The following NPAS3 variants were observed in gnomAD, a reference collection of about 807,000 sequenced individuals.
The protein encoded by NPAS3 is neuronal PAS domain protein 3.
NPAS3 carries 14 observed loss-of-function variants against 73.1 expected under a neutral mutation model. That is an observed-to-expected ratio of 0.19 (90% confidence interval 0.13 to 0.30). The LOEUF is 0.30. Ranked by LOEUF, NPAS3 falls within the 10% of genes least tolerant of loss-of-function variation. NPAS3 has a pLI of 1.00. For missense variants in NPAS3, 1,096 were observed against 1,250.0 expected, an observed-to-expected ratio of 0.88 and a Z score of 1.86; for synonymous variants, 620 against 541.5, an observed-to-expected ratio of 1.14 and a Z score of -2.01.
chr14:32,976,641 T>C (rs561863703), intron 1 of NPAS3, among the ~76,000 whole-genome samples: 1 of 152,338 alleles, frequency 6.6e-6, no homozygotes, highest in Admixed American at 6.5e-5. Flanking sequence ...TATTGTTCCT[T>C]AGTTGTTTTT....
At chr14:33,442,319 C>T (rs1292546654) in intron 4 of NPAS3, among the ~76,000 whole-genome samples, 4 of 152,048 alleles carry the variant, frequency 2.6e-5, no homozygotes, top group African/African-American at 9.7e-5. Context: ...TGCCTGCAGC[C>T]TCACCTACTC....
chr14:33,480,390 T>C (rs1039143782), intron 4 of NPAS3, among the ~76,000 whole-genome samples: 1 of 152,132 alleles, frequency 6.6e-6, no homozygotes, highest in East Asian at 1.9e-4. Flanking sequence ...CAATCTTCCA[T>C]AAGGCAAGTT....
intron 3 of NPAS3, among the ~76,000 whole-genome samples, chr14:33,257,883 A>G (rs2048835759): frequency 6.6e-6 from 1 of 152,210 alleles, no homozygotes; most frequent in Non-Finnish European, 1.5e-5. Context: ...CAGTAATCAT[A>G]AAGTAATCAT....
chr14:33,072,408 G>C (rs1329892967), intron 2 of NPAS3, among the ~76,000 whole-genome samples: 1 of 152,134 alleles, frequency 6.6e-6, no homozygotes, highest in Non-Finnish European at 1.5e-5. Flanking sequence ...TTGAAATTTA[G>C]ATCAACCTAT....
chr14:33,263,120 T>G (rs2049033941), intron 3 of NPAS3, among the ~76,000 whole-genome samples: 2 of 152,204 alleles, frequency 1.3e-5, no homozygotes, highest in South Asian at 4.1e-4. Flanking sequence ...GCTCTTTACT[T>G]TAATTAGATC....
intron 7 of NPAS3, among the ~76,000 whole-genome samples, chr14:33,744,105 T>C (rs1175822936): frequency 6.6e-6 from 1 of 152,244 alleles, no homozygotes; most frequent in African/African-American, 2.4e-5. Flanking sequence ...CAAGAACTTT[T>C]CCTTTGCATT....
intron 2 of NPAS3, among the ~76,000 whole-genome samples, chr14:33,179,301 T>A (rs1023451042): frequency 6.6e-6 from 1 of 152,212 alleles, no homozygotes; most frequent in African/African-American, 2.4e-5. Flanking sequence ...ACAAAACATT[T>A]GAGTCTGAAC....
intron 5 of NPAS3, among the ~76,000 whole-genome samples, chr14:33,646,399 G>A (rs750623685): frequency 5.9e-5 from 9 of 151,996 alleles, no homozygotes; most frequent in Non-Finnish European, 1.2e-4. Context: ...TAGAATGTGT[G>A]TATATTTGCC....
chr14:33,037,956 G>A (rs2040225241), intron 1 of NPAS3, among the ~76,000 whole-genome samples: 1 of 152,174 alleles, frequency 6.6e-6, no homozygotes, highest in African/African-American at 2.4e-5. Flanking sequence ...GAGGCATCGG[G>A]TCTATAGAAG....
At chr14:33,735,473 G>T in intron 7 of NPAS3, 141 bp downstream of exon 7, 1 of 667,268 alleles carries the variant, frequency 1.5e-6, no homozygotes, top group Non-Finnish European at 2.7e-6. Flanking sequence ...TCATCTTCCT[G>T]TCTCAAGGCA....
chr14:33,630,510 T>C (rs1384658954), intron 5 of NPAS3, among the ~76,000 whole-genome samples: 1 of 152,182 alleles, frequency 6.6e-6, no homozygotes, highest in Non-Finnish European at 1.5e-5. Context: ...GAAATACAAA[T>C]ACATATGTTT....
intron 5 of NPAS3, among the ~76,000 whole-genome samples, chr14:33,663,982 A>T (rs2059382487): frequency 6.6e-6 from 1 of 152,198 alleles, no homozygotes; most frequent in Non-Finnish European, 1.5e-5. Context: ...TTTTCAAAAA[A>T]AAAAACAGCT....
intron 7 of NPAS3, among the ~76,000 whole-genome samples, chr14:33,737,915 A>G (rs959758390): frequency 6.6e-6 from 1 of 152,164 alleles, no homozygotes; most frequent in Non-Finnish European, 1.5e-5. Flanking sequence ...TTTTCCCATA[A>G]AGATCCTAAG....
intron 5 of NPAS3, among the ~76,000 whole-genome samples, chr14:33,591,211 G>C (rs1373447555): frequency 6.6e-6 from 1 of 152,088 alleles, no homozygotes; most frequent in African/African-American, 2.4e-5. Flanking sequence ...GCCTGTATGG[G>C]ACTACAGGTC....
chr14:33,157,202 G>A (rs1454292333), intron 2 of NPAS3, among the ~76,000 whole-genome samples: 1 of 152,196 alleles, frequency 6.6e-6, no homozygotes, highest in African/African-American at 2.4e-5. Flanking sequence ...AGCATATGCT[G>A]ATCTAGAATT....
intron 4 of NPAS3, among the ~76,000 whole-genome samples, chr14:33,466,315 A>C (rs1324880808): frequency 1.3e-5 from 2 of 152,200 alleles, no homozygotes; most frequent in African/African-American, 4.8e-5. Context: ...CAAATTCTAG[A>C]GTTTAGAATA....
intron 3 of NPAS3, among the ~76,000 whole-genome samples, chr14:33,284,641 A>G (rs907883878): frequency 2.6e-5 from 4 of 152,176 alleles, no homozygotes; most frequent in African/African-American, 9.7e-5. Flanking sequence ...CCAAATAATG[A>G]GAAAGAAAGG....
intron 5 of NPAS3, among the ~76,000 whole-genome samples, chr14:33,643,881 GAGA>G (rs1015314153): frequency 2.6e-5 from 4 of 152,030 alleles, no homozygotes; most frequent in African/African-American, 7.3e-5. Context: ...GCAAATTGGG[GAGA>G]AGATTTTTTT....
At chr14:33,334,397 A>G (rs8020085) in intron 3 of NPAS3, among the ~76,000 whole-genome samples, 28,455 of 152,008 alleles carry the variant, frequency 0.19, 3,573 homozygotes, top group African/African-American at 0.36. Flanking sequence ...CCCAACCACA[A>G]TCCCAGGCAA....
Sources: allele counts gnomAD v4.1 joint callset (sites outside exome capture counted in the v4.1 genomes callset), GRCh38; gene constraint gnomAD v4.1.1; transcripts MANE v1.5; gene names NCBI Gene and HGNC (gene_info 2026-07-23, HGNC 2026-07-21).